TBCEL: variants seen among roughly 807,000 people sequenced by gnomAD.
TBCEL encodes the protein tubulin-specific chaperone cofactor E-like protein.
TBCEL carries 15 observed loss-of-function variants against 44.2 expected under a neutral mutation model. The ratio of observed to expected loss-of-function variants is 0.34; its 90% confidence interval spans 0.23 to 0.52. TBCEL has a LOEUF of 0.52. Among genes scored for constraint, TBCEL ranks in the 20% least tolerant of loss-of-function variants. TBCEL has a pLI of 0.95. For synonymous variants in TBCEL, 171 were observed against 185.4 expected, an observed-to-expected ratio of 0.92 and a Z score of 0.63; for missense variants, 319 against 506.3, an observed-to-expected ratio of 0.63 and a Z score of 3.55.
At chr11:121,077,570 G>T (rs1341877345) in intron 8 of TBCEL, among the ~76,000 whole-genome samples, 1 of 151,984 alleles carries the variant, frequency 6.6e-6, no homozygotes, top group Non-Finnish European at 1.5e-5. Flanking sequence ...TAAAGAACCA[G>T]CTTCGGGTGT....
At chr11:121,026,856 T>G (rs1945055387) in intron 1 of TBCEL, among the ~76,000 whole-genome samples, 2 of 152,194 alleles carry the variant, frequency 1.3e-5, no homozygotes, top group Non-Finnish European at 2.9e-5. Flanking sequence ...GGGAATCATA[T>G]GTACTTGTCA....
In TBCEL at chr11:121,074,362, G is replaced by C. The variant is rs190853250; in HGVS notation, c.957-12416G>C. Among the ~76,000 whole-genome samples the C allele has an allele frequency of 2.0e-5, 3 of 151,898 alleles. No homozygotes were observed. The East Asian group carries it at 5.8e-4, about 29-fold the overall frequency. ...CATCGCTATTTTGTGCGTAATTTTT[G>C]TACACAAGTGTTCACAAAACAATAC... On this transcript the variant is annotated intron_variant, in intron 8 of 8. Coordinates refer to ENST00000683345, the MANE Select transcript of TBCEL (RefSeq NM_001363644.2).
At position 121,051,995 on chromosome 11, in the gene TBCEL, G is replaced by A. The variant is rs187325253; in HGVS notation, c.274-1556G>A. On this transcript the variant is annotated intron_variant, in intron 4 of 8. Transcript: ENST00000683345. ...ATACTCTTTTGGCATTACTTCTGGA[G>A]CTCTGAAAAGAAAGATATTCAGGTT... is the stretch of plus-strand genomic sequence containing the variant. Among the ~76,000 whole-genome samples the A allele has an allele frequency of 5.9e-5, 9 of 151,874 alleles. No individual in the cohort carries two copies. In the East Asian group the frequency reaches 1.7e-3, roughly 29 times the overall value.
At chr11:121,056,721 A>G (rs926710745) in intron 6 of TBCEL, among the ~76,000 whole-genome samples, 1 of 151,808 alleles carries the variant, frequency 6.6e-6, no homozygotes, top group African/African-American at 2.4e-5. Context: ...CAATTCTCTA[A>G]TGATGTATGA....
At chr11:121,073,891 G>A (rs918187358) in intron 8 of TBCEL, among the ~76,000 whole-genome samples, 1 of 151,518 alleles carries the variant, frequency 6.6e-6, no homozygotes, top group East Asian at 1.9e-4. Flanking sequence ...TTGCATTCCT[G>A]GTATATTCAA....
intron 1 of TBCEL, among the ~76,000 whole-genome samples, chr11:121,026,243 C>G (rs1309126668): frequency 1.3e-5 from 2 of 152,288 alleles, no homozygotes; most frequent in East Asian, 1.9e-4. Flanking sequence ...AATCAGTTAA[C>G]ATCTTAATTC....
intron 1 of TBCEL, among the ~76,000 whole-genome samples, chr11:121,024,906 G>T (rs1354706403): frequency 1.3e-5 from 2 of 152,194 alleles, no homozygotes; most frequent in African/African-American, 4.8e-5. Context: ...GACTGAGAAC[G>T]AGGGTGTTGG....
At chr11:121,064,994 T>C (rs1945793588) in intron 8 of TBCEL, among the ~76,000 whole-genome samples, 1 of 151,740 alleles carries the variant, frequency 6.6e-6, no homozygotes, top group Admixed American at 6.6e-5. Flanking sequence ...CCCAGCTAAT[T>C]TTTTTGTATT....
chr11:121,050,866 G>A (rs894041090), intron 4 of TBCEL, among the ~76,000 whole-genome samples: 1 of 151,666 alleles, frequency 6.6e-6, no homozygotes, highest in African/African-American at 2.4e-5. Context: ...TTCTGCACAT[G>A]AGCATACTCA....
intron 8 of TBCEL, among the ~76,000 whole-genome samples, chr11:121,078,545 A>G (rs1330898105): frequency 6.6e-6 from 1 of 152,076 alleles, no homozygotes; most frequent in African/African-American, 2.4e-5. Flanking sequence ...TTATTCCTTT[A>G]CTTATTAGAA....
Position 121,090,756 on chromosome 11 carries a change from T to A in TBCEL, c.*3660T>A, listed in dbSNP as rs1370540515. The A allele has an allele frequency of 1.3e-5, 2 of 151,520 alleles. No individual in the cohort carries two copies. The highest frequency in any genetic ancestry group is 2.9e-5 in the Non-Finnish European group (2 of 67,910). 9.4% of individuals were successfully genotyped at this position (151,520 alleles called of 1,614,324 possible). A position where few individuals can be genotyped will look rare whatever the true frequency, so the allele number is the denominator to read the frequency against. On this transcript the variant is annotated 3_prime_UTR_variant, in exon 9 of 9. Transcript: ENST00000683345. ...TATATATAGATAATCTTTAAAAAAA[T>A]TAAAATTCAAGTCCATTTTATCTTT... is the stretch of plus-strand genomic sequence containing the variant.
At chr11:121,076,563 T>C (rs1946037611) in intron 8 of TBCEL, among the ~76,000 whole-genome samples, 1 of 152,052 alleles carries the variant, frequency 6.6e-6, no homozygotes, top group African/African-American at 2.4e-5. Flanking sequence ...TTCTAGTAGA[T>C]TTTTAATAAA....
rs1433625758 is a variant in TBCEL, at chr11:121,088,935, A to G, written c.*1839A>G. 2 of 152,216 alleles carry G rather than the reference A, an allele frequency of 1.3e-5. No individual in the cohort carries two copies. Among genetic ancestry groups the G allele is most frequent in the African/African-American group, 4.8e-5 (2 of 41,462 alleles). The allele number at this position is 152,216 out of a possible 1,614,324, so 9.4% of individuals were successfully genotyped here. ...TCTTTCAAAATCATAAAAATGAGCA[A>G]TGGAGATCCAGGCTGGGTATAGACA... is the stretch of plus-strand genomic sequence containing the variant. On this transcript the variant is annotated 3_prime_UTR_variant, in exon 9 of 9. Coordinates refer to ENST00000683345, the MANE Select transcript of TBCEL (RefSeq NM_001363644.2).
chr11:121,059,804 C>A (rs990689850), intron 7 of TBCEL, among the ~76,000 whole-genome samples, 165 bp from the exon 8 acceptor site: 10 of 151,800 alleles, frequency 6.6e-5, no homozygotes, highest in African/African-American at 2.4e-4. Flanking sequence ...TTTGTCCTTT[C>A]GGTTTAGACC....
chr11:121,047,788 G>A (rs1330898018), intron 4 of TBCEL, 121 bp downstream of exon 4: 1 of 1,230,204 alleles, frequency 8.1e-7, no homozygotes, highest in Non-Finnish European at 1.1e-6. Flanking sequence ...ACTTCTTGTT[G>A]TCTGTATATC....
chr11:121,060,023 A>G lies in TBCEL; in HGVS notation c.894A>G (p.Glu298=). The change falls in exon 8 of 9, where the codon GAA becomes GAG. Residue 298 remains glutamate, a synonymous_variant. Coordinates refer to ENST00000683345, the MANE Select transcript of TBCEL (RefSeq NM_001363644.2). ...NGSVVTDGER[E]DSERFFIRYY... Reference sequence around the variant, plus strand: ...GCGTTGTTACTGATGGTGAACGAGAAGATTCTGAGAGATTTTTTATTCGTT... The same window carrying G: ...GCGTTGTTACTGATGGTGAACGAGAGGATTCTGAGAGATTTTTTATTCGTT... 6.2e-7 allele frequency: 1 copy of G among 1,611,654 alleles called. No homozygotes were observed. Among genetic ancestry groups the G allele is most frequent in the Non-Finnish European group, 8.5e-7 (1 of 1,178,520 alleles).
chr11:121,051,708 C>T (rs1436240322), intron 4 of TBCEL, among the ~76,000 whole-genome samples: 8 of 151,644 alleles, frequency 5.3e-5, no homozygotes, highest in Non-Finnish European at 3.0e-5. Flanking sequence ...AAACAGAAGC[C>T]TAGTATATTT....
chr11:121,088,875 G>A lies in TBCEL; in HGVS notation c.*1779G>A, dbSNP rs765056324. On this transcript the variant is annotated 3_prime_UTR_variant, in exon 9 of 9. Transcript: ENST00000683345. Reference sequence around the variant, plus strand: ...GGAAACCAAAGGGTTTGAGAAAGACGAATAAGGCCTATTCTCCTTCTGCTG... The same window carrying A: ...GGAAACCAAAGGGTTTGAGAAAGACAAATAAGGCCTATTCTCCTTCTGCTG... The A allele has an allele frequency of 5.9e-5, 9 of 152,148 alleles. No homozygotes were observed. In the East Asian group the frequency reaches 1.5e-3, roughly 26 times the overall value. The allele number at this position is 152,148 out of a possible 1,614,324, so 9.4% of individuals were successfully genotyped here. A position where few individuals can be genotyped will look rare whatever the true frequency, so the allele number is the denominator to read the frequency against.
intron 1 of TBCEL, chr11:121,036,089 C>G (rs1229530902): frequency 6.6e-6 from 1 of 152,166 alleles, no homozygotes; most frequent in Non-Finnish European, 1.5e-5. Context: ...AAAACCCAAG[C>G]AAGTTCCCCC....
Sources: gnomAD v4.1 joint callset for allele counts (sites outside exome capture counted in the v4.1 genomes callset) on GRCh38, gnomAD v4.1.1 for gene constraint, MANE v1.5 for transcripts, NCBI Gene and HGNC (gene_info 2026-07-23, HGNC 2026-07-21) for gene names.